Variants in SOX5 observed in about 807,000 individuals in gnomAD.
SOX5 encodes transcription factor SOX-5.
SOX5 carries 9 observed loss-of-function variants against 92.0 expected under a neutral mutation model. The ratio of observed to expected loss-of-function variants is 0.10; its 90% CI spans 0.06 to 0.17. The LOEUF (loss-of-function observed/expected upper bound fraction) is 0.17. Among genes scored for constraint, SOX5 ranks in the 10% least tolerant of loss-of-function variants. The probability of loss-of-function intolerance (pLI) is 1.00; values close to 1 mark genes in which losing one functional copy is unlikely to be tolerated. For synonymous variants in SOX5, 344 were observed against 336.3 expected (o/e 1.02, Z -0.25); for missense variants, 642 against 944.5 (o/e 0.68, Z 4.20).
At chr12:23,962,426 A>G (rs1019770217) in intron 4 of SOX5, among the ~76,000 whole-genome samples, 1 of 152,162 alleles carries the variant, frequency 6.6e-6, no homozygotes, top group African/African-American at 2.4e-5. Context: ...TCCTTTCAAT[A>G]AGAAAACATA....
intron 4 of SOX5, among the ~76,000 whole-genome samples, chr12:24,024,135 T>C (rs1954620139): frequency 6.6e-6 from 1 of 152,062 alleles, no homozygotes. Context: ...GGAGATTATT[T>C]AATAAGTTAT....
intron 1 of SOX5, among the ~76,000 whole-genome samples, chr12:24,391,392 G>A (rs1255471530): frequency 6.6e-6 from 1 of 152,130 alleles, no homozygotes; most frequent in African/African-American, 2.4e-5. Flanking sequence ...AAAAGTACAT[G>A]TATAGGTACA....
chr12:24,280,870 A>C (rs1945089149), intron 2 of SOX5, among the ~76,000 whole-genome samples: 1 of 151,972 alleles, frequency 6.6e-6, no homozygotes, highest in East Asian at 1.9e-4. Flanking sequence ...ACTTTTTTAA[A>C]ATTTTGAGAA....
Position 23,786,963 on chromosome 12 carries a change from A to C in SOX5, c.482-31239T>G, listed in dbSNP as rs1174235021. On this transcript the variant is annotated intron_variant, in intron 3 of 14. Coordinates refer to ENST00000451604, the MANE Select transcript of SOX5 (RefSeq NM_006940.6). ...AAAAGTTTACTGTGATCACAGTTGG[A>C]GAACTATTGATATTACCCACATAGT... Among the ~76,000 whole-genome samples, 2 of 145,672 alleles carry C rather than the reference A, an allele frequency of 1.4e-5. 1 individual carries two copies. The highest frequency in any genetic ancestry group is 3.1e-5 in the Non-Finnish European group (2 of 65,456).
intron 1 of SOX5, among the ~76,000 whole-genome samples, chr12:23,927,287 C>T (rs1392245088): frequency 6.6e-6 from 1 of 152,174 alleles, no homozygotes; most frequent in East Asian, 1.9e-4. Context: ...AAGGGCTATC[C>T]TTTCCACTGG....
chr12:24,349,703 T>A (rs1953826479), intron 2 of SOX5, among the ~76,000 whole-genome samples: 1 of 152,256 alleles, frequency 6.6e-6, no homozygotes, highest in Non-Finnish European at 1.5e-5. Flanking sequence ...TTTGGTTGCC[T>A]CTACTTTTAG....
intron 1 of SOX5, among the ~76,000 whole-genome samples, chr12:24,477,695 A>ACAAC (rs1440239381): frequency 1.3e-5 from 2 of 152,204 alleles, no homozygotes; most frequent in Admixed American, 1.3e-4. Flanking sequence ...CTTCTATTTG[A>ACAAC]AATAAGATGA....
chr12:23,962,110 A>C (rs572937614), intron 4 of SOX5, among the ~76,000 whole-genome samples: 55 of 152,336 alleles, frequency 3.6e-4, no homozygotes, highest in Non-Finnish European at 6.9e-4. Flanking sequence ...AGTGTGTAAA[A>C]AAAAGTGTGA....
intron 4 of SOX5, among the ~76,000 whole-genome samples, chr12:24,027,634 A>G (rs1955023305): frequency 6.6e-6 from 1 of 152,014 alleles, no homozygotes; most frequent in Non-Finnish European, 1.5e-5. Flanking sequence ...CTTTCGTTGA[A>G]GGTTTATTCA....
At chr12:24,401,352 AGGG>A (rs67163960) in intron 1 of SOX5, among the ~76,000 whole-genome samples, 4 of 132,218 alleles carry the variant, frequency 3.0e-5, no homozygotes, top group South Asian at 2.4e-4. Context: ...ACTCCATCTC[AGGG>A]GAAAAAAAAA....
intron 4 of SOX5, among the ~76,000 whole-genome samples, chr12:24,194,097 G>C (rs1179291557): frequency 6.6e-6 from 1 of 151,534 alleles, no homozygotes. Context: ...GGATAAAACA[G>C]TTCTAATTGA....
At chr12:24,097,522 T>C (rs894983062) in intron 4 of SOX5, among the ~76,000 whole-genome samples, 1 of 151,504 alleles carries the variant, frequency 6.6e-6, no homozygotes, top group Admixed American at 6.6e-5. Context: ...TGTTTAATTA[T>C]TTGCTCCATT....
intron 1 of SOX5, among the ~76,000 whole-genome samples, chr12:24,391,709 G>C (rs1411973259): frequency 2.6e-5 from 4 of 152,108 alleles, no homozygotes; most frequent in Non-Finnish European, 4.4e-5. Flanking sequence ...TGCATTATTA[G>C]ATCTTTGAGA....
chr12:24,530,332 T>C lies in SOX5; in HGVS notation c.-251+31997A>G, dbSNP rs192534222. On this transcript the variant is annotated intron_variant, in intron 1 of 4. Coordinates refer to the SOX5 transcript ENST00000446891. ...GAGCATAGTGACCTAGATGATGTCGTCGGATCCTCTCCCTACAATGCTGTT... is the reference window on the plus strand; with the variant it reads ...GAGCATAGTGACCTAGATGATGTCGCCGGATCCTCTCCCTACAATGCTGTT... Among the ~76,000 whole-genome samples, 4 of 152,344 alleles carry C rather than the reference T, an allele frequency of 2.6e-5. No homozygotes were observed. In the East Asian group the frequency reaches 7.7e-4, roughly 29 times the overall value.
At chr12:23,619,509 C>A (rs2076940936) in intron 8 of SOX5, among the ~76,000 whole-genome samples, 15 of 152,154 alleles carry the variant, frequency 9.9e-5, no homozygotes, top group Admixed American at 9.8e-4. Context: ...GAGCTCTTAA[C>A]TCTTAGCCTA....
At chr12:24,409,758 G>T (rs1400519587) in intron 1 of SOX5, among the ~76,000 whole-genome samples, 1 of 152,058 alleles carries the variant, frequency 6.6e-6, no homozygotes, top group African/African-American at 2.4e-5. Context: ...TAATGATGTT[G>T]AACATCTTTT....
intron 4 of SOX5, among the ~76,000 whole-genome samples, chr12:24,195,640 C>T (rs553467056): frequency 3.9e-4 from 59 of 152,258 alleles, no homozygotes; most frequent in African/African-American, 1.3e-3. Context: ...GTGGTCCAAA[C>T]TGCATGTCCC....
At chr12:24,149,395 AT>A (rs1951436033) in intron 4 of SOX5, among the ~76,000 whole-genome samples, 1 of 152,204 alleles carries the variant, frequency 6.6e-6, no homozygotes, top group African/African-American at 2.4e-5. Flanking sequence ...TGGGCATGAG[AT>A]TTGTACAGAC....
At chr12:23,736,317 C>T (rs2093591619) in intron 5 of SOX5, among the ~76,000 whole-genome samples, 1 of 151,988 alleles carries the variant, frequency 6.6e-6, no homozygotes, top group Non-Finnish European at 1.5e-5. Context: ...AAAAAATTAG[C>T]CAGGCGTGGT....
Sources: allele counts gnomAD v4.1 joint callset (sites outside exome capture counted in the v4.1 genomes callset), GRCh38; gene constraint gnomAD v4.1.1; transcripts MANE v1.5; gene names NCBI Gene and HGNC (gene_info 2026-07-23, HGNC 2026-07-21).